FGF14: variants seen among roughly 807,000 people sequenced by gnomAD.
FGF14 encodes fibroblast growth factor homologous factor 4.
A neutral mutation model predicts 25.5 loss-of-function variants in FGF14; 5 were observed. That is an observed-to-expected ratio of 0.20 (90% CI 0.10 to 0.41). The LOEUF (loss-of-function observed/expected upper bound fraction) is 0.41, where lower values mean the gene tolerates loss of function less well. FGF14 is among the 10% of genes least tolerant of loss of function. FGF14 has a pLI of 1.00. For missense variants in FGF14, 222 were observed against 320.1 expected (o/e 0.69, Z 2.34); for synonymous variants, 138 against 118.3 (o/e 1.17, Z -1.08).
intron 3 of FGF14, among the ~76,000 whole-genome samples, chr13:101,848,252 A>G (rs1294671319): frequency 6.6e-6 from 1 of 152,012 alleles, no homozygotes; most frequent in Non-Finnish European, 1.5e-5. Context: ...CTTTCATACT[A>G]CTGAATACAT....
rs35443564 is a variant in FGF14, at chr13:101,882,550, GTT to G, written c.194-7256_194-7255del. ...TTTGTCTGAAAAAAATATATTTTCT[GTT>G]TTTTTTTTTTATACATTTGCTTTAG... On this transcript the variant is annotated intron_variant, in intron 1 of 4. Coordinates refer to ENST00000376143, the MANE Select transcript of FGF14 (RefSeq NM_004115.4). Among the ~76,000 whole-genome samples the G allele has an allele frequency of 6.6e-3, 964 of 145,876 alleles. 9 individuals carry two copies. The highest frequency in any genetic ancestry group is 0.013 in the Admixed American group (195 of 14,554).
intron 1 of FGF14, among the ~76,000 whole-genome samples, chr13:102,278,395 C>T (rs1450847477): frequency 6.6e-6 from 1 of 152,156 alleles, no homozygotes; most frequent in Non-Finnish European, 1.5e-5. Flanking sequence ...GCAAACAATA[C>T]AGTGGTATGT....
At chr13:101,723,055 A>AGTT in intron 4 of FGF14, 88 bp from the exon 5 acceptor site, 1 of 1,505,986 alleles carries the variant, frequency 6.6e-7, no homozygotes, top group South Asian at 1.1e-5. Context: ...AGACCACTGC[A>AGTT]GTTTGCCCAT....
intron 1 of FGF14, among the ~76,000 whole-genome samples, chr13:102,275,838 T>G (rs1202408208): frequency 6.6e-6 from 1 of 152,136 alleles, no homozygotes; most frequent in African/African-American, 2.4e-5. Context: ...AAAGGAACAG[T>G]TATTTAAAAT....
intron 1 of FGF14, among the ~76,000 whole-genome samples, chr13:102,282,903 AC>A (rs2053917231): frequency 6.6e-6 from 1 of 152,062 alleles, no homozygotes; most frequent in Non-Finnish European, 1.5e-5. Context: ...TGTTTTCCAA[AC>A]CTTTTATTAA....
chr13:101,900,719 T>A (rs2138980844), intron 1 of FGF14, among the ~76,000 whole-genome samples: 1 of 152,280 alleles, frequency 6.6e-6, no homozygotes, highest in South Asian at 2.1e-4. Context: ...GGGGGCCGGG[T>A]AGTGCTCTAT....
At chr13:102,280,065 C>A (rs2053751838) in intron 1 of FGF14, among the ~76,000 whole-genome samples, 1 of 152,244 alleles carries the variant, frequency 6.6e-6, no homozygotes, top group Non-Finnish European at 1.5e-5. Context: ...TTACAAATAT[C>A]ATTTAAGTAT....
rs1411165009 is a variant in FGF14 at position 102,102,217 on chromosome 13, A to G, written c.209-226921T>C. ...CATTTTAAGAGAGCTCTAACCCAGT[A>G]GTAGCAAGAACAAGGTGTAAGAAGA... On this transcript the variant is annotated intron_variant, in intron 1 of 4. Coordinates refer to the FGF14 transcript ENST00000376131. Among the ~76,000 whole-genome samples the G allele has an allele frequency of 4.6e-5, 7 of 152,214 alleles. No individual in the cohort carries two copies. In the East Asian group the frequency reaches 1.2e-3, roughly 25 times the overall value.
At chr13:102,140,050 C>G (rs1435584604) in intron 1 of FGF14, among the ~76,000 whole-genome samples, 1 of 143,296 alleles carries the variant, frequency 7.0e-6, no homozygotes, top group African/African-American at 2.6e-5. Context: ...AAGACCCCCC[C>G]CCCCCCTTAC....
At chr13:102,331,141 T>C (rs1294519269) in intron 1 of FGF14, among the ~76,000 whole-genome samples, 1 of 152,198 alleles carries the variant, frequency 6.6e-6, no homozygotes, top group Non-Finnish European at 1.5e-5. Context: ...TAAAATGTTA[T>C]ATATAAAGCA....
At chr13:102,146,203 A>T (rs1241910972) in intron 1 of FGF14, among the ~76,000 whole-genome samples, 3 of 152,206 alleles carry the variant, frequency 2.0e-5, no homozygotes, top group Non-Finnish European at 4.4e-5. Context: ...TGTAACATGT[A>T]ATTTACACGC....
intron 1 of FGF14, among the ~76,000 whole-genome samples, chr13:101,884,703 A>G (rs181067768): frequency 6.6e-6 from 1 of 152,242 alleles, no homozygotes; most frequent in East Asian, 1.9e-4. Flanking sequence ...TTGGATGGTC[A>G]TTTGCTACAG....
At chr13:102,073,259 TTAA>T (rs1170277731) in intron 1 of FGF14, among the ~76,000 whole-genome samples, 2 of 151,946 alleles carry the variant, frequency 1.3e-5, no homozygotes, top group African/African-American at 4.8e-5. Context: ...CTCAAAAAAA[TTAA>T]TAAATAAACA....
chr13:102,362,312 T>C (rs1248838314), intron 1 of FGF14, among the ~76,000 whole-genome samples: 2 of 152,214 alleles, frequency 1.3e-5, no homozygotes, highest in Non-Finnish European at 2.9e-5. Context: ...TTATCCTTTT[T>C]CTGGCTCATT....
chr13:101,882,997 C>G (rs978975564), intron 1 of FGF14, among the ~76,000 whole-genome samples: 1 of 151,928 alleles, frequency 6.6e-6, no homozygotes, highest in Non-Finnish European at 1.5e-5. Flanking sequence ...AGAAAAGAGG[C>G]GGCATTCAGA....
At chr13:102,124,287 A>G (rs2140377466) in intron 1 of FGF14, among the ~76,000 whole-genome samples, 1 of 151,596 alleles carries the variant, frequency 6.6e-6, no homozygotes, top group African/African-American at 2.4e-5. Flanking sequence ...CTGGGACAAA[A>G]GGTAGTATAG....
chr13:102,029,022 C>G (rs956404484), intron 1 of FGF14, among the ~76,000 whole-genome samples: 11 of 151,956 alleles, frequency 7.2e-5, no homozygotes, highest in African/African-American at 2.2e-4. Context: ...CACAGCTCAT[C>G]GGTACAGAAA....
intron 1 of FGF14, among the ~76,000 whole-genome samples, chr13:101,972,216 G>C (rs931409493): frequency 1.1e-4 from 16 of 152,184 alleles, no homozygotes; most frequent in African/African-American, 3.9e-4. Flanking sequence ...AGGACAGCAC[G>C]TAGCTCATTC....
chr13:101,982,171 A>T (rs1312757933), intron 1 of FGF14, among the ~76,000 whole-genome samples: 1 of 152,198 alleles, frequency 6.6e-6, no homozygotes, highest in African/African-American at 2.4e-5. Flanking sequence ...AGACTAGACT[A>T]ATTCTTCTCA....
Sources: gnomAD v4.1 joint callset for allele counts (sites outside exome capture counted in the v4.1 genomes callset) on GRCh38, gnomAD v4.1.1 for gene constraint, MANE v1.5 for transcripts, NCBI Gene and HGNC (gene_info 2026-07-23, HGNC 2026-07-21) for gene names.